The following MGA variants were observed in gnomAD, a reference collection of about 807,000 sequenced individuals.
MGA encodes the protein MAX gene-associated protein.
In MGA, 40 loss-of-function variants were observed where a neutral mutation model predicts 261.1. The ratio of observed to expected loss-of-function variants is 0.15; its 90% CI spans 0.12 to 0.20. The LOEUF (loss-of-function observed/expected upper bound fraction) is 0.20, where lower values mean the gene tolerates loss of function less well. Among genes scored for constraint, MGA ranks in the 10% least tolerant of loss-of-function variants. The probability of loss-of-function intolerance (pLI) is 1.00; values close to 1 mark genes in which losing one functional copy is unlikely to be tolerated. For missense variants in MGA, 3,397 were observed against 3,630.5 expected, an observed-to-expected ratio of 0.94 and a Z score of 1.65; for synonymous variants, 1,302 against 1,290.6, an observed-to-expected ratio of 1.01 and a Z score of -0.19.
Position 41,696,607 on chromosome 15 carries a change from C to G in MGA, c.1597C>G (p.His533Asp). The stretch of plus-strand genomic sequence containing the variant: ...GGAATCAGAAAATGGTCTTAGAAAA[C>G]ATTCACCAGATCTCAGAGTGGTACA... The change falls in exon 3 of 24, where the codon CAT becomes GAT. Residue 533 changes from histidine to aspartate, a missense_variant. This residue lies in a region of MGA where 563 missense variants were observed against 563.6 expected (regional missense o/e 1.00). Coordinates refer to ENST00000219905, the MANE Select transcript of MGA (RefSeq NM_001164273.2). 1 of 1,613,870 alleles carries G rather than the reference C, an allele frequency of 6.2e-7. No individual in the cohort carries two copies. Among genetic ancestry groups the G allele is most frequent in the East Asian group, 2.2e-5 (1 of 44,890 alleles).
intron 2 of MGA, chr15:41,684,285 T>C (rs202059316): frequency 2.7e-6 from 1 of 367,874 alleles, no homozygotes; most frequent in Admixed American, 3.4e-5. Context: ...GAGTGGCTGG[T>C]GTTCGTCACA....
In MGA at chr15:41,742,766, T is replaced by A. The variant is rs2062191424; in HGVS notation, c.4806T>A (p.Pro1602=). The A allele has an allele frequency of 6.2e-7, 1 of 1,613,846 alleles. No homozygotes were observed. The highest frequency in any genetic ancestry group is 1.1e-5 in the South Asian group (1 of 91,090). Residue 1602 remains proline (P), a synonymous_variant, in exon 15 of 24, where the codon CCT becomes CCA. Transcript: ENST00000219905. ...CTGCTGCTGTCACTACTACCACCCC[T>A]CAAGTGTTTTTAGAAAATACTACTG... is the stretch of plus-strand genomic sequence containing the variant.
chr15:41,673,540 C>CTTTTTTTTTTTTTT (rs777334913), intron 2 of MGA, among the ~76,000 whole-genome samples: 1 of 118,940 alleles, frequency 8.4e-6, no homozygotes, highest in Non-Finnish European at 1.7e-5. Context: ...TTCTTTCTTT[C>CTTTTTTTTTTTTTT]TTTTTTTTTT....
At chr15:41,656,926 C>T (rs1595583580), upstream of MGA, among the ~76,000 whole-genome samples, 1 of 152,066 alleles carries the variant, frequency 6.6e-6, no homozygotes. Context: ...GCAGGCACCA[C>T]CACACTTGGC....
At chr15:41,765,671 C>T (rs1019360930) in intron 23 of MGA, among the ~76,000 whole-genome samples, 1 of 152,202 alleles carries the variant, frequency 6.6e-6, no homozygotes, top group Non-Finnish European at 1.5e-5. Flanking sequence ...GCTTCATTTT[C>T]TGCGCTAAGT....
intron 2 of MGA, among the ~76,000 whole-genome samples, 157 bp from the exon 3 acceptor site, chr15:41,695,918 C>T (rs1285249015): frequency 1.3e-5 from 2 of 151,514 alleles, no homozygotes; most frequent in Non-Finnish European, 2.9e-5. Flanking sequence ...TGTTAATCAC[C>T]GTGTGGATTT....
chr15:41,761,615 G>T, intron 20 of MGA, 124 bp from the exon 21 acceptor site: 1 of 580,630 alleles, frequency 1.7e-6, no homozygotes, highest in South Asian at 2.7e-5. Context: ...ATTGTTAATG[G>T]AATTTAAAAA....
intron 2 of MGA, among the ~76,000 whole-genome samples, chr15:41,695,732 T>G (rs1355888000): frequency 6.6e-6 from 1 of 152,232 alleles, no homozygotes; most frequent in Non-Finnish European, 1.5e-5. Flanking sequence ...GGCAACATCA[T>G]GACTATACTA....
intron 2 of MGA, among the ~76,000 whole-genome samples, chr15:41,674,194 A>G (rs567480609): frequency 7.9e-5 from 12 of 151,688 alleles, no homozygotes; most frequent in Non-Finnish European, 1.5e-4. Context: ...CTGACCAATT[A>G]TTATTTTTTA....
intron 9 of MGA, among the ~76,000 whole-genome samples, chr15:41,719,166 C>T (rs1345433346): frequency 6.6e-6 from 1 of 151,906 alleles, no homozygotes; most frequent in Non-Finnish European, 1.5e-5. Flanking sequence ...CGAGAAGAGA[C>T]ACTTAAGGAT....
rs777496210 is a variant in MGA at position 41,696,247 on chromosome 15, G to A, written c.1237G>A (p.Val413Ile). ...GGAAGAGACAGATGAAGAGACGGAT[G>A]TATACTCAAACAGTGATGATGATCC... The change falls in exon 3 of 24, where the codon GTA becomes ATA. Residue 413 changes from valine (V) to isoleucine (I), a missense_variant. By Grantham distance (29) the Val-to-Ile change is conservative. This residue lies in a region of MGA where 563 missense variants were observed against 563.6 expected (regional missense o/e 1.00). Transcript: ENST00000219905. The A allele has an allele frequency of 3.1e-6, 5 of 1,613,948 alleles. No homozygotes were observed. The highest frequency in any genetic ancestry group is 4.2e-6 in the Non-Finnish European group (5 of 1,179,898).
chr15:41,683,018 T>C (rs968097631), intron 2 of MGA, among the ~76,000 whole-genome samples: 6 of 152,208 alleles, frequency 3.9e-5, no homozygotes, highest in Admixed American at 2.0e-4. Flanking sequence ...TCTCAAACTT[T>C]ATAAAATTGT....
chr15:41,670,578 T>A (rs923941591), intron 2 of MGA, among the ~76,000 whole-genome samples: 8 of 152,160 alleles, frequency 5.3e-5, no homozygotes, highest in Admixed American at 5.2e-4. Context: ...TGATCTCCGC[T>A]CACTGCAAGC....
At chr15:41,694,285 G>A (rs1289110080) in intron 2 of MGA, among the ~76,000 whole-genome samples, 1 of 151,922 alleles carries the variant, frequency 6.6e-6, no homozygotes, top group East Asian at 2.0e-4. Flanking sequence ...GCGTGTTGGT[G>A]CATGCCTATA....
intron 1 of MGA, 148 bp downstream of exon 1, chr15:41,660,673 A>T (rs1048666466): frequency 5.9e-5 from 9 of 152,488 alleles, no homozygotes; most frequent in Non-Finnish European, 1.3e-4. Context: ...GGCCTTGCGC[A>T]GGGCCGCCTT....
intron 9 of MGA, among the ~76,000 whole-genome samples, chr15:41,723,751 T>G (rs2061079366): frequency 6.6e-6 from 1 of 152,164 alleles, no homozygotes; most frequent in South Asian, 2.1e-4. Flanking sequence ...CCTTCCAATT[T>G]AAAACATGTC....
chr15:41,641,951 A>T (rs1195998484), intron 1 of MGA, among the ~76,000 whole-genome samples: 3 of 152,000 alleles, frequency 2.0e-5, no homozygotes, highest in Admixed American at 2.0e-4. Context: ...GCACGCCACC[A>T]CACCTAGCTA....
chr15:41,712,663 C>CT (rs142331646), intron 8 of MGA, among the ~76,000 whole-genome samples: 1,916 of 152,186 alleles, frequency 0.013, 37 homozygotes, highest in African/African-American at 0.044. Context: ...TTGTCCTATT[C>CT]TTTTTTTATT....
intron 1 of MGA, 105 bp from the exon 2 acceptor site, chr15:41,668,723 A>G (rs909125865): frequency 6.4e-6 from 3 of 468,904 alleles, no homozygotes; most frequent in Non-Finnish European, 1.1e-5. Context: ...ATTTAGGAAT[A>G]TTTTGGGGAT....
Sources: allele counts gnomAD v4.1 joint callset (sites outside exome capture counted in the v4.1 genomes callset), GRCh38; gene constraint gnomAD v4.1.1; regional missense constraint gnomAD v4.1.1; transcripts MANE v1.5; gene names NCBI Gene and HGNC (gene_info 2026-07-23, HGNC 2026-07-21).